Variants in MYH7B observed in about 807,000 individuals in gnomAD.
MYH7B encodes myosin heavy chain 7B.
In MYH7B, 205 loss-of-function variants were observed where a neutral mutation model predicts 234.5. The ratio of observed to expected loss-of-function variants is 0.87; its 90% CI spans 0.78 to 0.98. MYH7B has a LOEUF of 0.98. MYH7B is among the 50% of genes least tolerant of loss of function. MYH7B has a pLI of 0.00. For synonymous variants in MYH7B, 1,193 were observed against 1,105.0 expected, an observed-to-expected ratio of 1.08 and a Z score of -1.58; for missense variants, 2,652 against 2,633.4, an observed-to-expected ratio of 1.01 and a Z score of -0.15.
chr20:34,979,429 A>G, exon 6 of MYH7B: 2 of 1,613,984 alleles, frequency 1.2e-6, no homozygotes, highest in Non-Finnish European at 1.7e-6. Context: ...CAGGACGCCT[A>G]CGTGGAGGCC....
At chr20:34,955,889 C>G (rs2081626805) in exon 1 of MYH7B, 1 of 152,292 alleles carries the variant, frequency 6.6e-6, no homozygotes, top group African/African-American at 2.4e-5. Context: ...TGAGTCGAGG[C>G]CAGGAAGGGG....
chr20:35,001,355 C>T lies in MYH7B; in HGVS notation c.5580+6C>T, dbSNP rs74352343. Reference sequence around the variant, plus strand: ...TCAAGGAGCTCGCATACCAGGTGGGCGACAGGGTCTCCCTGGGGAGTGGCC... The same window carrying T: ...TCAAGGAGCTCGCATACCAGGTGGGTGACAGGGTCTCCCTGGGGAGTGGCC... On this transcript the variant is annotated splice_donor_region_variant and intron_variant, in intron 42 of 44. Transcript: ENST00000262873. 3.5e-4 allele frequency: 564 copies of T among 1,604,726 alleles called. 8 individuals are homozygous for T. The East Asian group carries it at 0.011, about 32-fold the overall frequency.
intron 3 of MYH7B, among the ~76,000 whole-genome samples, chr20:34,976,126 T>G (rs913641914): frequency 2.0e-5 from 3 of 152,224 alleles, no homozygotes; most frequent in Non-Finnish European, 4.4e-5. Context: ...GTCTCATGGC[T>G]CTACTCAGCG....
At chr20:34,981,927 C>G (rs1479077160) in intron 9 of MYH7B, 4 of 153,040 alleles carry the variant, frequency 2.6e-5, no homozygotes, top group African/African-American at 7.3e-5. Context: ...GTGGCTCACA[C>G]CTGTAATCCC....
At chr20:34,972,320 A>G (rs2081800651) in intron 2 of MYH7B, among the ~76,000 whole-genome samples, 1 of 151,740 alleles carries the variant, frequency 6.6e-6, no homozygotes, top group African/African-American at 2.4e-5. Context: ...CCTCATGGCT[A>G]TTGTATTTGC....
At position 34,990,250 on chromosome 20, in the gene MYH7B, TG is replaced by T; in HGVS notation, c.1921del (p.Val641Ter). The stretch of plus-strand genomic sequence containing the variant: ...CTCTATTAGCTGAGCCCCCCAAGTC[TG>T]GGGTGAAAGAGAAGCGTAAGAAGGC... On this transcript the variant is annotated frameshift_variant, in exon 22 of 45. Transcript: ENST00000262873. LOFTEE classifies it high-confidence loss of function. 2.5e-6 allele frequency: 4 copies of T among 1,614,072 alleles called. No homozygotes were observed. Among genetic ancestry groups the T allele is most frequent in the Non-Finnish European group, 3.4e-6 (4 of 1,180,024 alleles).
At position 34,993,437 on chromosome 20, in the gene MYH7B, T is replaced by TG; in HGVS notation, c.2412dup (p.Arg805AlafsTer3). 6.2e-7 allele frequency: 1 copy of TG among 1,610,734 alleles called. No homozygotes were observed. Among genetic ancestry groups the TG allele is most frequent in the Non-Finnish European group, 8.5e-7 (1 of 1,179,112 alleles). On this transcript the variant is annotated frameshift_variant, in exon 26 of 45. Transcript: ENST00000262873. LOFTEE classifies it high-confidence loss of function. ...CAGGCGCGGAGCCGTGGCCGCCTCA[T>TG]GCGCCTTGAGTACCAGCGCCTGCTG...
intron 5 of MYH7B, among the ~76,000 whole-genome samples, chr20:34,979,011 T>G (rs2081899360): frequency 6.6e-6 from 1 of 152,142 alleles, no homozygotes; most frequent in Admixed American, 6.5e-5. Context: ...GACCCCTCCC[T>G]AAGAGTCATA....
At chr20:34,995,636 A>G in intron 28 of MYH7B, 58 bp downstream of exon 28, 6 of 1,597,206 alleles carry the variant, frequency 3.8e-6, no homozygotes, top group South Asian at 3.3e-5. Context: ...CTTTGGGGCC[A>G]GGTGGCTGCA....
At chr20:34,999,175 T>C (rs1325890292) in exon 36 of MYH7B, 16 of 1,613,458 alleles carry the variant, frequency 9.9e-6, no homozygotes, top group African/African-American at 6.7e-5. Flanking sequence ...GATGTAACCC[T>C]GGAGCTGGAG....
chr20:34,998,087 G>A (rs1164768681), intron 32 of MYH7B, among the ~76,000 whole-genome samples: 1 of 152,114 alleles, frequency 6.6e-6, no homozygotes, highest in Non-Finnish European at 1.5e-5. Flanking sequence ...CACTGCCCTG[G>A]GACTGGCCCA....
chr20:34,985,178 G>A, intron 13 of MYH7B, 49 bp downstream of exon 13: 2 of 1,574,916 alleles, frequency 1.3e-6, no homozygotes, highest in East Asian at 2.2e-5. Flanking sequence ...CCTGAGCCCG[G>A]TCACCCCAAC....
intron 18 of MYH7B, 40 bp downstream of exon 18, chr20:34,987,954 G>A: frequency 1.3e-6 from 2 of 1,563,694 alleles, no homozygotes; most frequent in Non-Finnish European, 1.7e-6. Flanking sequence ...TTCTCTCCAA[G>A]GTAGAGGACA....
At position 34,999,708 on chromosome 20, in the gene MYH7B, C is replaced by T; in HGVS notation, c.4665+13C>T. The T allele has an allele frequency of 1.2e-6, 2 of 1,611,332 alleles. No individual in the cohort carries two copies. Among genetic ancestry groups the T allele is most frequent in the Non-Finnish European group, 1.7e-6 (2 of 1,179,146 alleles). The stretch of plus-strand genomic sequence containing the variant: ...GGAGGAGGCAGAGGTCAGGGGCTGG[C>T]TGCAGGGGTGGGTGGACACTGACCT... On this transcript the variant is annotated intron_variant, in intron 37 of 44. Transcript: ENST00000262873.
intron 2 of MYH7B, among the ~76,000 whole-genome samples, chr20:34,966,484 G>T (rs79344934): frequency 2.0e-5 from 3 of 152,000 alleles, no homozygotes; most frequent in Non-Finnish European, 4.4e-5. Context: ...AGATGGGAGG[G>T]AAGTTAGTGT....
chr20:34,985,931 C>T (rs1201917529), intron 13 of MYH7B, among the ~76,000 whole-genome samples, 169 bp from the exon 14 acceptor site: 1 of 152,150 alleles, frequency 6.6e-6, no homozygotes, highest in East Asian at 1.9e-4. Context: ...ACACACGGCT[C>T]GTGTGATGAC....
intron 13 of MYH7B, among the ~76,000 whole-genome samples, chr20:34,985,775 ACACACACGGAGGCTCGGCCACACACG>A (rs1376314710): frequency 6.6e-6 from 1 of 152,068 alleles, no homozygotes; most frequent in Non-Finnish European, 1.5e-5. Flanking sequence ...ACACACACAG[ACACACACGGAGGCTCGGCCACACACG>A]CACACACGCT....
chr20:34,998,536 GAAGGAGTGTCTGATCA>G lies in MYH7B; in HGVS notation c.3901_3916del (p.Lys1301ValfsTer3). ...GGGAGCTGAGTCGCCTGCTAGAGGAGAAGGAGTGTCTGATCAGTCAGCTGAGCCGTGGAAAGGCCCT... is the reference window on the plus strand; with the variant it reads ...GGGAGCTGAGTCGCCTGCTAGAGGAGGTCAGCTGAGCCGTGGAAAGGCCCT... On this transcript the variant is annotated frameshift_variant, in exon 34 of 45. Coordinates refer to ENST00000262873, the Ensembl canonical transcript of MYH7B. LOFTEE classifies it high-confidence loss of function. 6.2e-7 allele frequency: 1 copy of G among 1,613,564 alleles called. No individual in the cohort carries two copies.
rs1433980582 is a variant in MYH7B at position 34,980,561 on chromosome 20, C to T, written c.343-17C>T. On this transcript the variant is annotated splice_polypyrimidine_tract_variant and intron_variant, in intron 7 of 44. Transcript: ENST00000262873. ...TCAAAAACAACAACATAAACCCTAC[C>T]TATACTCTCTCTTCAGACCTACTCA... is the stretch of plus-strand genomic sequence containing the variant. 1.2e-6 allele frequency: 2 copies of T among 1,603,718 alleles called. No homozygotes were observed. Among genetic ancestry groups the T allele is most frequent in the African/African-American group, 1.3e-5 (1 of 74,644 alleles).
Sources: gnomAD v4.1 joint callset for allele counts (sites outside exome capture counted in the v4.1 genomes callset) on GRCh38, gnomAD v4.1.1 for gene constraint, MANE v1.5 for transcripts, NCBI Gene and HGNC (gene_info 2026-07-23, HGNC 2026-07-21) for gene names.